The following RGPD2 variants were observed in gnomAD, a reference collection of about 807,000 sequenced individuals.
RGPD2 encodes the protein RANBP2-like and GRIP domain-containing protein 2.
Under a neutral mutation model 36.0 loss-of-function variants are expected in RGPD2, and 2 were observed. That is an observed-to-expected ratio of 0.06 (90% CI 0.02 to 0.17). The LOEUF (loss-of-function observed/expected upper bound fraction) is 0.17, where lower values mean the gene tolerates loss of function less well. Among genes scored for constraint, RGPD2 ranks in the 10% least tolerant of loss-of-function variants. The pLI is 1.00. For missense variants in RGPD2, 40 were observed against 464.3 expected (o/e 0.09, Z 8.40); for synonymous variants, 19 against 163.8 (o/e 0.12, Z 6.75).
the RGPD2 span, among the ~76,000 whole-genome samples, chr2:87,842,051 G>A: frequency 2.6e-5 from 4 of 151,136 alleles, no homozygotes; most frequent in African/African-American, 9.8e-5. Context: ...GTATTGATGG[G>A]ATGTATCTCA....
chr2:87,875,415 G>C, the RGPD2 span, among the ~76,000 whole-genome samples: 2 of 152,246 alleles, frequency 1.3e-5, no homozygotes, highest in African/African-American at 4.8e-5. Context: ...TAACATGAAG[G>C]GATGTTGAAT....
At chr2:87,834,014 T>G in the RGPD2 span, among the ~76,000 whole-genome samples, 1 of 65,520 alleles carries the variant, frequency 1.5e-5, no homozygotes, top group Non-Finnish European at 3.0e-5. Context: ...GAAAAATGTC[T>G]GTCATGAATA....
the RGPD2 span, among the ~76,000 whole-genome samples, chr2:87,864,227 G>C: frequency 1.3e-5 from 2 of 152,238 alleles, no homozygotes. Context: ...CTAATCTGTT[G>C]AGGGCCTGAA....
the RGPD2 span, among the ~76,000 whole-genome samples, chr2:87,930,915 G>A: frequency 1.5e-5 from 2 of 137,472 alleles, no homozygotes; most frequent in African/African-American, 5.4e-5. Flanking sequence ...GAGGTCAGTG[G>A]TAATATCCCT....
the RGPD2 span, among the ~76,000 whole-genome samples, chr2:87,875,450 G>A: frequency 6.6e-6 from 1 of 152,264 alleles, no homozygotes; most frequent in Non-Finnish European, 1.5e-5. Context: ...TTTCTGCATT[G>A]ATTGAAATAA....
At chr2:87,878,953 G>GT in the RGPD2 span, among the ~76,000 whole-genome samples, 94 of 144,468 alleles carry the variant, frequency 6.5e-4, no homozygotes, top group Non-Finnish European at 1.1e-3. Flanking sequence ...ACAATTATAT[G>GT]TAGTACTTTA....
At chr2:87,875,243 G>A in the RGPD2 span, among the ~76,000 whole-genome samples, 3 of 151,958 alleles carry the variant, frequency 2.0e-5, no homozygotes, top group African/African-American at 7.3e-5. Context: ...ATACCATGTT[G>A]AATAAGAATG....
At chr2:87,962,136 C>T in the RGPD2 span, among the ~76,000 whole-genome samples, 59 of 146,854 alleles carry the variant, frequency 4.0e-4, no homozygotes, top group African/African-American at 1.4e-3. Flanking sequence ...TAAAGATTTT[C>T]AGCCGTCTGT....
chr2:87,933,482 A>T, the RGPD2 span, among the ~76,000 whole-genome samples: 53,699 of 134,774 alleles, frequency 0.4, 10,960 homozygotes, highest in Non-Finnish European at 0.43. Context: ...GGAGCTTACC[A>T]TCTCATTGGG....
chr2:87,886,158 A>G, the RGPD2 span, among the ~76,000 whole-genome samples: 3 of 151,874 alleles, frequency 2.0e-5, no homozygotes, highest in Admixed American at 6.6e-5. Context: ...ATAAAATAAA[A>G]TAATATTCTA....
chr2:87,876,275 T>A, the RGPD2 span, among the ~76,000 whole-genome samples: 1 of 150,476 alleles, frequency 6.6e-6, no homozygotes, highest in Non-Finnish European at 1.5e-5. Context: ...TTGGGGTTTG[T>A]TTGCTCTTGA....
At chr2:87,957,292 TTC>T in the RGPD2 span, among the ~76,000 whole-genome samples, 132 of 143,216 alleles carry the variant, frequency 9.2e-4, no homozygotes, top group Admixed American at 1.2e-3. Context: ...CTTATCTGCT[TTC>T]TCTCTCTCTC....
At chr2:87,908,013 GGA>G in the RGPD2 span, among the ~76,000 whole-genome samples, 1 of 97,196 alleles carries the variant, frequency 1.0e-5, no homozygotes, top group Non-Finnish European at 2.1e-5. Flanking sequence ...AGGTGTCCAA[GGA>G]GAGAGAGAGA....
At chr2:87,915,055 G>C in the RGPD2 span, among the ~76,000 whole-genome samples, 3 of 151,834 alleles carry the variant, frequency 2.0e-5, no homozygotes, top group Non-Finnish European at 4.4e-5. Flanking sequence ...GCTGTGGCAG[G>C]AGAATCGCTT....
At chr2:87,919,309 C>T in the RGPD2 span, among the ~76,000 whole-genome samples, 2 of 150,290 alleles carry the variant, frequency 1.3e-5, no homozygotes, top group Non-Finnish European at 3.0e-5. Flanking sequence ...CAATAATATA[C>T]CTATCTGATA....
the RGPD2 span, among the ~76,000 whole-genome samples, chr2:87,897,648 C>T: frequency 6.6e-6 from 1 of 151,040 alleles, no homozygotes; most frequent in Non-Finnish European, 1.5e-5. Context: ...CCAACTGGCC[C>T]CCGTGTGTGG....
chr2:87,882,607 G>A, the RGPD2 span, among the ~76,000 whole-genome samples: 1 of 152,182 alleles, frequency 6.6e-6, no homozygotes, highest in Non-Finnish European at 1.5e-5. Context: ...TGAATTTTAG[G>A]ATTTTTTCTA....
At chr2:87,909,187 G>A in the RGPD2 span, among the ~76,000 whole-genome samples, 1 of 152,134 alleles carries the variant, frequency 6.6e-6, no homozygotes, top group Non-Finnish European at 1.5e-5. Context: ...GTAAACATCA[G>A]AGTATTGGCT....
chr2:87,922,292 CAAAAAAA>C, the RGPD2 span, among the ~76,000 whole-genome samples: 4 of 84,692 alleles, frequency 4.7e-5, no homozygotes, highest in African/African-American at 5.1e-5. Context: ...GACTTCGTCT[CAAAAAAA>C]AAAAAAAAAA....
Sources: allele counts gnomAD v4.1 joint callset (sites outside exome capture counted in the v4.1 genomes callset), GRCh38; gene constraint gnomAD v4.1.1; transcripts MANE v1.5; gene names NCBI Gene and HGNC (gene_info 2026-07-23, HGNC 2026-07-21).